The following RBL2 variants were observed in gnomAD, a reference collection of about 807,000 sequenced individuals.
RBL2 encodes retinoblastoma-like protein 2.
In RBL2, 56 loss-of-function variants were observed where a neutral mutation model predicts 126.0. The observed-to-expected ratio is 0.44, with a 90% confidence interval of 0.36 to 0.56. RBL2 has a LOEUF of 0.56. Ranked by LOEUF, RBL2 falls within the 20% of genes least tolerant of loss-of-function variation. The pLI is 0.00. For synonymous variants in RBL2, 454 were observed against 478.5 expected (o/e 0.95, Z 0.67); for missense variants, 1,229 against 1,398.2 (o/e 0.88, Z 1.93).
rs1044628876 is a variant in RBL2, at chr16:53,463,945, A to AGT, written c.1561-270_1561-269dup. Among the ~76,000 whole-genome samples, 6 of 152,102 alleles carry AGT rather than the reference A, an allele frequency of 3.9e-5. No homozygotes were observed. In the East Asian group the frequency reaches 9.7e-4, roughly 25 times the overall value. ...CCCTGTCATTGTTCTTCTAAGCATC[A>AGT]GTGTGTGTGTGTATTTTGGTTAGAG... is the stretch of plus-strand genomic sequence containing the variant. On this transcript the variant is annotated intron_variant, in intron 11 of 21. Transcript: ENST00000262133.
intron 13 of RBL2, among the ~76,000 whole-genome samples, chr16:53,466,262 C>T (rs747980389): frequency 2.6e-5 from 4 of 152,012 alleles, no homozygotes; most frequent in East Asian, 3.9e-4. Context: ...ATTTCCTTAC[C>T]AAGTTTCTTT....
At chr16:53,471,538 A>T (rs1314334499) in intron 17 of RBL2, among the ~76,000 whole-genome samples, 1 of 151,574 alleles carries the variant, frequency 6.6e-6, no homozygotes, top group African/African-American at 2.4e-5. Flanking sequence ...GGTGCATCTC[A>T]GCTCACTGCA....
At chr16:53,464,900 T>TA (rs1244228940) in intron 12 of RBL2, 1 of 152,470 alleles carries the variant, frequency 6.6e-6, no homozygotes, top group Non-Finnish European at 1.5e-5. Context: ...TTCACGCCAT[T>TA]CTCCTGCCTC....
At chr16:53,466,522 G>A (rs1048144135) in intron 13 of RBL2, among the ~76,000 whole-genome samples, 28 of 151,676 alleles carry the variant, frequency 1.8e-4, no homozygotes, top group African/African-American at 6.1e-4. Context: ...ATCTGGGGGC[G>A]GTGGGAGACA....
intron 8 of RBL2, among the ~76,000 whole-genome samples, chr16:53,457,556 G>A (rs1380890774): frequency 6.6e-6 from 1 of 152,058 alleles, no homozygotes; most frequent in Non-Finnish European, 1.5e-5. Context: ...ACCATGCCCA[G>A]CCGTAGATGG....
Position 53,480,036 on chromosome 16 carries a change from TCTTA to T in RBL2, c.2881+49_2881+52del, listed in dbSNP as rs775178339. 6.6e-6 allele frequency: 9 copies of T among 1,371,114 alleles called. No individual in the cohort carries two copies. In the East Asian group the frequency reaches 2.1e-4, roughly 31 times the overall value. 84.9% of individuals were successfully genotyped at this position (1,371,114 alleles called of 1,614,324 possible). ...ACTACAAGACAAAATTAGGAGCTTTTCTTACTTTTTAGGCCTTGAAGAAGTAACT... is the reference window on the plus strand; with the variant it reads ...ACTACAAGACAAAATTAGGAGCTTTTCTTTTTAGGCCTTGAAGAAGTAACT... On this transcript the variant is annotated intron_variant, in intron 19 of 21. Coordinates refer to ENST00000262133, the MANE Select transcript of RBL2 (RefSeq NM_005611.4).
chr16:53,454,919 A>G (rs548814235), intron 8 of RBL2, 77 bp downstream of exon 8: 340 of 1,304,194 alleles, frequency 2.6e-4, no homozygotes, highest in South Asian at 4.4e-4. Context: ...TGGTAATTTC[A>G]TGTTTGTGTT....
intron 3 of RBL2, among the ~76,000 whole-genome samples, chr16:53,443,801 T>C (rs1402489048): frequency 1.3e-5 from 2 of 148,808 alleles, no homozygotes; most frequent in African/African-American, 5.0e-5. Context: ...ACATTAAGTG[T>C]AACCTTTTAA....
chr16:53,441,188 G>A (rs2058012618), intron 2 of RBL2, among the ~76,000 whole-genome samples: 1 of 151,974 alleles, frequency 6.6e-6, no homozygotes, highest in Non-Finnish European at 1.5e-5. Flanking sequence ...TCGAACTCCT[G>A]ACCTCAAGTG....
intron 1 of RBL2, 64 bp from the exon 2 acceptor site, chr16:53,438,952 T>A (rs2057986091): frequency 4.3e-6 from 5 of 1,171,088 alleles, no homozygotes; most frequent in African/African-American, 1.6e-5. Context: ...AACATACTTT[T>A]AAAAATATTG....
intron 2 of RBL2, among the ~76,000 whole-genome samples, chr16:53,440,797 A>C (rs541491997): frequency 5.3e-5 from 8 of 152,000 alleles, no homozygotes; most frequent in Admixed American, 2.6e-4. Context: ...CAGGTGATCC[A>C]CCCGCCTTGG....
In RBL2 at chr16:53,471,721, G is replaced by T. The variant is rs561381791; in HGVS notation, c.2703+799G>T. Among the ~76,000 whole-genome samples the T allele has an allele frequency of 3.2e-4, 48 of 152,122 alleles. No homozygotes were observed. In the South Asian group the frequency reaches 5.6e-3, roughly 18 times the overall value. ...TGACCTCAGGTGATCTGCCCACCTCGGCCTCCCAAAGTGCTGGGATTACAG... is the reference window on the plus strand; with the variant it reads ...TGACCTCAGGTGATCTGCCCACCTCTGCCTCCCAAAGTGCTGGGATTACAG... On this transcript the variant is annotated intron_variant, in intron 17 of 21. Coordinates refer to ENST00000262133, the MANE Select transcript of RBL2 (RefSeq NM_005611.4).
intron 1 of RBL2, 51 bp from the exon 2 acceptor site, chr16:53,438,965 A>C: frequency 7.9e-7 from 1 of 1,262,962 alleles, no homozygotes; most frequent in Non-Finnish European, 1.1e-6. Flanking sequence ...AAATATTGAA[A>C]TATTTATATG....
Position 53,434,544 on chromosome 16 carries a change from C to A in RBL2, c.-13C>A. ...CTCACCTCACCTGAGGTCCGGCCGC[C>A]CAGGGGTGCGCTATGCCGTCGGGAG... On this transcript the variant is annotated 5_prime_UTR_variant, in exon 1 of 22. Transcript: ENST00000262133. 17 of 1,460,562 alleles carry A rather than the reference C, an allele frequency of 1.2e-5. No homozygotes were observed. The highest frequency in any genetic ancestry group is 1.4e-5 in the Non-Finnish European group (16 of 1,113,096). The allele number at this position is 1,460,562 out of a possible 1,614,324, so 90.5% of individuals were successfully genotyped here.
At chr16:53,447,175 A>G (rs2058070536) in intron 4 of RBL2, 69 bp downstream of exon 4, 14 of 865,726 alleles carry the variant, frequency 1.6e-5, no homozygotes, top group Admixed American at 2.6e-5. Flanking sequence ...AATTTTGTCA[A>G]CTTCTAATAT....
intron 2 of RBL2, 46 bp downstream of exon 2, chr16:53,439,192 T>C: frequency 6.9e-7 from 1 of 1,445,792 alleles, no homozygotes; most frequent in South Asian, 1.5e-5. Flanking sequence ...TAATGTAAGC[T>C]CATAAATCAT....
Position 53,462,562 on chromosome 16 carries a change from C to T in RBL2, c.1467C>T (p.Ser489=). 6.5e-7 allele frequency: 1 copy of T among 1,542,964 alleles called. No individual in the cohort carries two copies. The highest frequency in any genetic ancestry group is 1.2e-5 in the South Asian group (1 of 80,610). ...TTATTATTTCTACAGAAATTGCCAG[C>T]AAACATTTTCGTTTTGCGGAGATGC... ...DFSNCAKEIA[S]KHFRFAEMLY... Residue 489 remains serine, a synonymous_variant, in exon 11 of 22, where the codon AGC becomes AGT. Coordinates refer to ENST00000262133, the MANE Select transcript of RBL2 (RefSeq NM_005611.4).
At chr16:53,450,297 C>T (rs1174505904) in intron 4 of RBL2, among the ~76,000 whole-genome samples, 2 of 151,924 alleles carry the variant, frequency 1.3e-5, no homozygotes, top group Admixed American at 6.6e-5. Flanking sequence ...TAAGTGGTAA[C>T]TTTCTTTGGA....
intron 14 of RBL2, 23 bp from the exon 15 acceptor site, chr16:53,469,893 T>C (rs1349830334): frequency 4.6e-6 from 7 of 1,515,262 alleles, no homozygotes; most frequent in Middle Eastern, 3.6e-4. Flanking sequence ...TTAAATGCTT[T>C]GTTTGATTTG....
Sources: gnomAD v4.1 joint callset for allele counts (sites outside exome capture counted in the v4.1 genomes callset) on GRCh38, gnomAD v4.1.1 for gene constraint, MANE v1.5 for transcripts, NCBI Gene and HGNC (gene_info 2026-07-23, HGNC 2026-07-21) for gene names.